Variants in SEMA3C observed in about 807,000 individuals in gnomAD.
SEMA3C encodes the protein semaphorin-3C.
A neutral mutation model predicts 89.4 loss-of-function variants in SEMA3C; 47 were observed. That is an observed-to-expected ratio of 0.53 (90% CI 0.42 to 0.67). The LOEUF (loss-of-function observed/expected upper bound fraction) is 0.67. Among genes scored for constraint, SEMA3C ranks in the 30% least tolerant of loss-of-function variants. The pLI, the probability that SEMA3C is intolerant of heterozygous loss-of-function variation, is 0.00. For synonymous variants in SEMA3C, 310 were observed against 320.2 expected (o/e 0.97, Z 0.34); for missense variants, 839 against 929.1 (o/e 0.90, Z 1.26).
At chr7:80,806,761 T>C (rs1328161216) in intron 6 of SEMA3C, among the ~76,000 whole-genome samples, 2 of 152,182 alleles carry the variant, frequency 1.3e-5, no homozygotes, top group Non-Finnish European at 2.9e-5. Flanking sequence ...TGAACTGCCA[T>C]GCAGCTGCGT....
chr7:80,901,000 C>T (rs931977119), intron 2 of SEMA3C, among the ~76,000 whole-genome samples: 1 of 152,140 alleles, frequency 6.6e-6, no homozygotes, highest in African/African-American at 2.4e-5. Flanking sequence ...TGCCATAACA[C>T]CTCATTTTGT....
intron 2 of SEMA3C, among the ~76,000 whole-genome samples, chr7:80,851,152 A>C (rs141457886): frequency 1.4e-4 from 22 of 152,242 alleles, no homozygotes; most frequent in Non-Finnish European, 3.1e-4. Flanking sequence ...ATAATCCAGG[A>C]TAATTCTCCC....
At chr7:80,823,463 T>TA (rs929681018) in intron 4 of SEMA3C, among the ~76,000 whole-genome samples, 62 of 152,238 alleles carry the variant, frequency 4.1e-4, no homozygotes, top group African/African-American at 6.3e-4. Context: ...AATAGATGTT[T>TA]AAAAAATATA....
chr7:80,847,248 T>C (rs756912848), intron 2 of SEMA3C: 1 of 152,134 alleles, frequency 6.6e-6, no homozygotes, highest in Admixed American at 6.6e-5. Flanking sequence ...ATTTTGGGTA[T>C]TTGTCACTCA....
At chr7:80,775,926 G>A (rs1788539466) in intron 12 of SEMA3C, among the ~76,000 whole-genome samples, 1 of 151,922 alleles carries the variant, frequency 6.6e-6, no homozygotes, top group African/African-American at 2.4e-5. Flanking sequence ...ATGAGCATAT[G>A]TATCTTAGGC....
Position 80,810,647 on chromosome 7 carries a change from A to G in SEMA3C, c.502T>C (p.Phe168Leu). Reference sequence around the variant, plus strand: ...GACACCGTGTTCACGTTGGGGTTGAAAGAGCAGCGTCCTTTTCCAGATTCA... The same window carrying G: ...GACACCGTGTTCACGTTGGGGTTGAGAGAGCAGCGTCCTTTTCCAGATTCA... ...KCESGKGRCSFNPNVNTVSVM... is the reference protein window; with the variant it reads ...KCESGKGRCSLNPNVNTVSVM... Residue 168 changes from phenylalanine to leucine, a missense_variant, in exon 6 of 18, where the codon TTC (phenylalanine) becomes CTC (leucine). Physicochemically the swap from Phe to Leu is conservative, Grantham distance 22. Coordinates refer to ENST00000265361, the MANE Select transcript of SEMA3C (RefSeq NM_006379.5). The G allele has an allele frequency of 3.7e-6, 6 of 1,613,872 alleles. No individual in the cohort carries two copies. Among genetic ancestry groups the G allele is most frequent in the Non-Finnish European group, 5.1e-6 (6 of 1,179,798 alleles).
chr7:80,752,248 C>G lies in SEMA3C; in HGVS notation c.1644-912G>C, dbSNP rs182774890. 9.3e-3 allele frequency among the ~76,000 whole-genome samples: 1,419 copies of G among 152,192 alleles called. 14 individuals carry two copies. Among genetic ancestry groups the G allele is most frequent in the Non-Finnish European group, 0.016 (1,093 of 68,006 alleles). Reference sequence around the variant, plus strand: ...AATATCTCTTATGGATTTAAGTTAACCAGCTTCCAGTCAAGTTTCATCCTT... The same window carrying G: ...AATATCTCTTATGGATTTAAGTTAAGCAGCTTCCAGTCAAGTTTCATCCTT... On this transcript the variant is annotated intron_variant, in intron 15 of 17. Transcript: ENST00000265361.
At chr7:80,848,228 T>C (rs1273932559) in intron 2 of SEMA3C, among the ~76,000 whole-genome samples, 1 of 152,190 alleles carries the variant, frequency 6.6e-6, no homozygotes. Context: ...AGAAAACTAT[T>C]CCAAGTCATG....
At chr7:80,770,484 C>G (rs544043699) in intron 12 of SEMA3C, among the ~76,000 whole-genome samples, 1 of 152,310 alleles carries the variant, frequency 6.6e-6, no homozygotes, top group African/African-American at 2.4e-5. Flanking sequence ...GCTGTCACTT[C>G]TTTTTTTCTT....
At chr7:80,768,781 A>G (rs1281420343) in intron 12 of SEMA3C, among the ~76,000 whole-genome samples, 1 of 146,454 alleles carries the variant, frequency 6.8e-6, no homozygotes, top group Admixed American at 6.8e-5. Flanking sequence ...TAGCTAGGGC[A>G]AGATTTGTGT....
chr7:80,761,662 A>G lies in SEMA3C; in HGVS notation c.1444-5T>C. The G allele has an allele frequency of 7.6e-7, 1 of 1,319,078 alleles. No homozygotes were observed. Among genetic ancestry groups the G allele is most frequent in the Non-Finnish European group, 1.0e-6 (1 of 959,754 alleles). 81.7% of individuals were successfully genotyped at this position (1,319,078 alleles called of 1,614,324 possible). A position where few individuals can be genotyped will look rare whatever the true frequency, so the allele number is the denominator to read the frequency against. The stretch of plus-strand genomic sequence containing the variant: ...TGTTGTTATAGGAGCATGATTCTAA[A>G]ATATTAGAAAACAACATGTTAGTTG... On this transcript the variant is annotated splice_region_variant and splice_polypyrimidine_tract_variant and intron_variant, in intron 13 of 17. Transcript: ENST00000265361.
chr7:80,812,798 T>C (rs1789499564), intron 5 of SEMA3C, among the ~76,000 whole-genome samples: 1 of 152,044 alleles, frequency 6.6e-6, no homozygotes, highest in Admixed American at 6.6e-5. Flanking sequence ...TGTTTGTTTG[T>C]CTTTTAAAGA....
chr7:80,790,338 G>A (rs1399632498), intron 11 of SEMA3C, among the ~76,000 whole-genome samples: 2 of 151,928 alleles, frequency 1.3e-5, no homozygotes, highest in African/African-American at 4.8e-5. Context: ...GAAAGGAGGA[G>A]GAGGAAGGAG....
intron 2 of SEMA3C, among the ~76,000 whole-genome samples, chr7:80,886,830 GAAT>G (rs1791491233): frequency 6.6e-6 from 1 of 152,046 alleles, no homozygotes. Flanking sequence ...CTTAAATTAT[GAAT>G]AATATGACCG....
chr7:80,849,323 T>A (rs1465308165), intron 2 of SEMA3C, among the ~76,000 whole-genome samples: 1 of 151,126 alleles, frequency 6.6e-6, no homozygotes, highest in African/African-American at 2.4e-5. Flanking sequence ...TTAGTAAAAC[T>A]CCGATGCTTT....
chr7:80,845,176 T>C (rs1317859107), intron 2 of SEMA3C, among the ~76,000 whole-genome samples: 3 of 152,102 alleles, frequency 2.0e-5, no homozygotes, highest in African/African-American at 7.2e-5. Flanking sequence ...AGAACCCTAC[T>C]GTTCCCTCAC....
At chr7:80,769,962 C>G (rs189099873) in intron 12 of SEMA3C, among the ~76,000 whole-genome samples, 5 of 150,556 alleles carry the variant, frequency 3.3e-5, no homozygotes, top group Admixed American at 3.3e-4. Flanking sequence ...TTCTCTTTTC[C>G]TTTGTTATTT....
chr7:80,841,682 C>G (rs1429164521), intron 2 of SEMA3C, among the ~76,000 whole-genome samples: 1 of 152,120 alleles, frequency 6.6e-6, no homozygotes, highest in Non-Finnish European at 1.5e-5. Flanking sequence ...ACTCAGCTCT[C>G]CCCACCAGCA....
In SEMA3C at chr7:80,825,856, A is replaced by C. The variant is rs145227191; in HGVS notation, c.327+1569T>G. Among the ~76,000 whole-genome samples, 45 of 152,286 alleles carry C rather than the reference A, an allele frequency of 3.0e-4. 1 individual carries two copies. The highest frequency in any genetic ancestry group is 9.2e-4 in the Admixed American group (14 of 15,284). On this transcript the variant is annotated intron_variant, in intron 4 of 17. Coordinates refer to ENST00000265361, the MANE Select transcript of SEMA3C (RefSeq NM_006379.5). ...TTAAAATAATAAGGAACAAAACATC[A>C]TTCTCTGCAACATTATACTTCATTC... is the stretch of plus-strand genomic sequence containing the variant.
Sources: allele counts gnomAD v4.1 joint callset (sites outside exome capture counted in the v4.1 genomes callset), GRCh38; gene constraint gnomAD v4.1.1; transcripts MANE v1.5; gene names NCBI Gene and HGNC (gene_info 2026-07-23, HGNC 2026-07-21).